Variants in PRUNE2 observed in about 807,000 individuals in gnomAD.
PRUNE2 encodes protein prune homolog 2.
A neutral mutation model predicts 252.0 loss-of-function variants in PRUNE2; 164 were observed. The ratio of observed to expected loss-of-function variants is 0.65; its 90% CI spans 0.57 to 0.74. PRUNE2 has a LOEUF of 0.74. Ranked by LOEUF, PRUNE2 falls within the 30% of genes least tolerant of loss-of-function variation. The pLI is 0.00. For synonymous variants in PRUNE2, 1,292 were observed against 1,350.2 expected, an observed-to-expected ratio of 0.96 and a Z score of 0.94; for missense variants, 3,495 against 3,711.0, an observed-to-expected ratio of 0.94 and a Z score of 1.51.
intron 14 of PRUNE2, among the ~76,000 whole-genome samples, chr9:76,636,972 AATGTGTGT>A (rs1225317973): frequency 3.8e-4 from 50 of 131,552 alleles, no homozygotes; most frequent in African/African-American, 6.2e-4. Context: ...CAACAACAAA[AATGTGTGT>A]GTGTGTGTGT....
chr9:76,856,509 A>C (rs940575167), intron 1 of PRUNE2: 15 of 152,264 alleles, frequency 9.9e-5, no homozygotes, highest in African/African-American at 3.6e-4. Context: ...ATTATACTTA[A>C]GGAAGAAAAG....
At position 76,815,475 on chromosome 9, in the gene PRUNE2, A is replaced by C. The variant is rs553627105; in HGVS notation, c.756+8157T>G. Among the ~76,000 whole-genome samples, 10 of 152,306 alleles carry C rather than the reference A, an allele frequency of 6.6e-5. No homozygotes were observed. The East Asian group carries it at 1.5e-3, about 24-fold the overall frequency. On this transcript the variant is annotated intron_variant, in intron 6 of 18. Coordinates refer to ENST00000376718, the MANE Select transcript of PRUNE2 (RefSeq NM_015225.3). The stretch of plus-strand genomic sequence containing the variant: ...TCTCACCGCATATTCACATGGCAAA[A>C]GGGACAAACATGTCCCCGCAAGCCG...
chr9:76,862,013 T>TAA (rs1383533166), intron 1 of PRUNE2: 4 of 152,216 alleles, frequency 2.6e-5, no homozygotes, highest in Non-Finnish European at 5.9e-5. Context: ...ATGCATGCTT[T>TAA]TATTACCCAC....
intron 6 of PRUNE2, chr9:76,783,997 G>A (rs1284869717): frequency 1.3e-5 from 2 of 152,228 alleles, no homozygotes; most frequent in African/African-American, 2.4e-5. Context: ...ATCCACTACC[G>A]ATTTTCTATT....
At chr9:76,629,935 T>C (rs1836752882) in intron 15 of PRUNE2, among the ~76,000 whole-genome samples, 1 of 152,212 alleles carries the variant, frequency 6.6e-6, no homozygotes, top group Non-Finnish European at 1.5e-5. Flanking sequence ...ACTATTATTA[T>C]CCTATTTTCA....
intron 1 of PRUNE2, among the ~76,000 whole-genome samples, chr9:76,891,814 C>T (rs775579474): frequency 6.6e-6 from 1 of 152,182 alleles, no homozygotes; most frequent in Non-Finnish European, 1.5e-5. Flanking sequence ...CACTTACTGG[C>T]TGTGTGTCTC....
At chr9:76,721,702 C>G (rs559776978) in intron 6 of PRUNE2, among the ~76,000 whole-genome samples, 6 of 152,282 alleles carry the variant, frequency 3.9e-5, no homozygotes, top group African/African-American at 1.4e-4. Flanking sequence ...AGCACAGTGG[C>G]CAGCCTGGAC....
At chr9:76,645,946 CATTATACCATTATATT>C (rs1844672712) in intron 11 of PRUNE2, among the ~76,000 whole-genome samples, 1 of 152,126 alleles carries the variant, frequency 6.6e-6, no homozygotes, top group African/African-American at 2.4e-5. Context: ...TTAAAATGGT[CATTATACCATTATATT>C]ATTATACCAT....
intron 4 of PRUNE2, 46 bp downstream of exon 4, chr9:76,846,469 A>G: frequency 6.5e-7 from 1 of 1,532,652 alleles, no homozygotes; most frequent in Non-Finnish European, 8.9e-7. Context: ...GCTGGGAGAC[A>G]CTCCATTAAG....
chr9:76,859,778 G>A (rs1005455799), intron 1 of PRUNE2, among the ~76,000 whole-genome samples: 4 of 151,906 alleles, frequency 2.6e-5, no homozygotes, highest in Admixed American at 6.6e-5. Flanking sequence ...GCATGATTTC[G>A]GCTCACTGCA....
intron 9 of PRUNE2, among the ~76,000 whole-genome samples, chr9:76,663,663 C>T (rs1017060905): frequency 6.6e-5 from 10 of 152,016 alleles, no homozygotes; most frequent in Admixed American, 2.6e-4. Flanking sequence ...ATTTGAGGAA[C>T]GCTGAGCAGG....
At chr9:76,737,870 T>G (rs529008926) in intron 6 of PRUNE2, 1 of 152,356 alleles carries the variant, frequency 6.6e-6, no homozygotes, top group East Asian at 1.9e-4. Context: ...TTAACTTATT[T>G]TTGCATTTCT....
In PRUNE2 at chr9:76,880,858, A is replaced by G. The variant is rs12002648; in HGVS notation, c.36+25070T>C. 9.2e-3 allele frequency among the ~76,000 whole-genome samples: 1,399 copies of G among 152,324 alleles called. 26 individuals carry two copies. The highest frequency in any genetic ancestry group is 0.031 in the African/African-American group (1,309 of 41,576). ...GAAACATGTTTATGTTATTTTTAAC[A>G]AATTAAAAAATAAATAATTTTTTCC... is the stretch of plus-strand genomic sequence containing the variant. On this transcript the variant is annotated intron_variant, in intron 1 of 18. Coordinates refer to ENST00000376718, the MANE Select transcript of PRUNE2 (RefSeq NM_015225.3).
intron 4 of PRUNE2, among the ~76,000 whole-genome samples, chr9:76,845,452 T>C (rs2059621838): frequency 6.6e-6 from 1 of 152,232 alleles, no homozygotes; most frequent in African/African-American, 2.4e-5. Context: ...AGATAAATGG[T>C]TGTGCTTACT....
chr9:76,719,313 A>G (rs2047424372), intron 6 of PRUNE2, among the ~76,000 whole-genome samples: 8 of 152,212 alleles, frequency 5.3e-5, no homozygotes, highest in Admixed American at 5.2e-4. Context: ...AAGGATATAT[A>G]CCAATGGAAA....
chr9:76,698,123 T>C (rs920148612), intron 9 of PRUNE2, among the ~76,000 whole-genome samples: 4 of 150,748 alleles, frequency 2.7e-5, no homozygotes, highest in Non-Finnish European at 1.5e-5. Flanking sequence ...CTCGGCTCAC[T>C]GCAACCTCCG....
chr9:76,816,748 T>C (rs1187470271), intron 6 of PRUNE2, among the ~76,000 whole-genome samples: 1 of 152,184 alleles, frequency 6.6e-6, no homozygotes, highest in African/African-American at 2.4e-5. Flanking sequence ...ACCATTAAAA[T>C]TTTTCACTAA....
intron 12 of PRUNE2, among the ~76,000 whole-genome samples, chr9:76,643,630 T>A (rs1348425516): frequency 6.6e-6 from 1 of 152,164 alleles, no homozygotes; most frequent in East Asian, 1.9e-4. Flanking sequence ...CAGCGGGGCA[T>A]ATTTCCATTT....
chr9:76,905,431 T>A (rs2063430143), intron 1 of PRUNE2, among the ~76,000 whole-genome samples: 1 of 152,238 alleles, frequency 6.6e-6, no homozygotes, highest in Admixed American at 6.5e-5. Context: ...ACTCCTGCAG[T>A]GGAGCAAGCT....
Sources: allele counts gnomAD v4.1 joint callset (sites outside exome capture counted in the v4.1 genomes callset), GRCh38; gene constraint gnomAD v4.1.1; transcripts MANE v1.5; gene names NCBI Gene and HGNC (gene_info 2026-07-23, HGNC 2026-07-21).